PPARG: variants seen among roughly 807,000 people sequenced by gnomAD.
PPARG encodes the protein peroxisome proliferator-activated receptor gamma.
In PPARG, 17 loss-of-function variants were observed where a neutral mutation model predicts 39.2. That is an observed-to-expected ratio of 0.43 (90% CI 0.30 to 0.65). The LOEUF (loss-of-function observed/expected upper bound fraction) is 0.65. Ranked by LOEUF, PPARG falls within the 30% of genes least tolerant of loss-of-function variation. PPARG has a pLI of 0.13. For missense variants in PPARG, 406 were observed against 585.9 expected (o/e 0.69, Z 3.17); for synonymous variants, 223 against 215.7 (o/e 1.03, Z -0.30).
At chr3:12,372,085 A>G (rs747882073) in intron 2 of PPARG, 2 of 721,460 alleles carry the variant, frequency 2.8e-6, no homozygotes, top group Non-Finnish European at 5.2e-6. Flanking sequence ...CAACAAAACT[A>G]CAAAGGACCT....
In PPARG at chr3:12,386,860, C is replaced by T. The variant is rs528669724; in HGVS notation, c.390+5369C>T. 4.6e-5 allele frequency among the ~76,000 whole-genome samples: 7 copies of T among 152,072 alleles called. No individual in the cohort carries two copies. In the East Asian group the frequency reaches 1.4e-3, roughly 29 times the overall value. On this transcript the variant is annotated intron_variant, in intron 4 of 7. Coordinates refer to ENST00000651735, the MANE Select transcript of PPARG (RefSeq NM_138711.6). Reference sequence around the variant, plus strand: ...CATTAGGTATTTCTCCTAATGCTATCCCTCCCCCAACCCTCCACCCCCTGA... The same window carrying T: ...CATTAGGTATTTCTCCTAATGCTATTCCTCCCCCAACCCTCCACCCCCTGA...
chr3:12,298,532 A>G (rs1278952611), intron 1 of PPARG, among the ~76,000 whole-genome samples: 1 of 152,130 alleles, frequency 6.6e-6, no homozygotes, highest in African/African-American at 2.4e-5. Context: ...GTTACAGATT[A>G]CATTTTTCTT....
chr3:12,364,346 T>A (rs2048947930), intron 2 of PPARG, among the ~76,000 whole-genome samples: 1 of 152,182 alleles, frequency 6.6e-6, no homozygotes, highest in African/African-American at 2.4e-5. Context: ...CACTTACCAA[T>A]ATGCACTTAA....
chr3:12,361,266 C>A (rs1002317291), intron 2 of PPARG, among the ~76,000 whole-genome samples: 6 of 152,190 alleles, frequency 3.9e-5, no homozygotes, highest in Non-Finnish European at 8.8e-5. Context: ...GGTAAACGTT[C>A]TAAAGCATAC....
chr3:12,362,518 CAAAA>C (rs869210025), intron 2 of PPARG, among the ~76,000 whole-genome samples: 1 of 142,098 alleles, frequency 7.0e-6, no homozygotes, highest in Admixed American at 7.2e-5. Flanking sequence ...GACTTCGTCT[CAAAA>C]ATAAATAAAT....
At chr3:12,288,523 T>C (rs2046566701), upstream of PPARG, among the ~76,000 whole-genome samples, 1 of 151,790 alleles carries the variant, frequency 6.6e-6, no homozygotes. Context: ...GGGGGAACTT[T>C]GGAGCAGGGT....
intron 2 of PPARG, among the ~76,000 whole-genome samples, chr3:12,359,540 C>T (rs370842212): frequency 5.3e-5 from 8 of 152,010 alleles, no homozygotes; most frequent in African/African-American, 1.9e-4. Flanking sequence ...ACGTAGGCCT[C>T]AGAATTTGGG....
At chr3:12,431,227 C>G (rs1262940508) in intron 7 of PPARG, among the ~76,000 whole-genome samples, 6 of 152,058 alleles carry the variant, frequency 3.9e-5, no homozygotes, top group African/African-American at 1.4e-4. Context: ...AACTGAAACC[C>G]AAACTTTTTA....
At chr3:12,351,192 A>G (rs910814983) in intron 2 of PPARG, among the ~76,000 whole-genome samples, 1 of 152,234 alleles carries the variant, frequency 6.6e-6, no homozygotes, top group African/African-American at 2.4e-5. Flanking sequence ...TGAATTTTAC[A>G]ACAATAAAAA....
At chr3:12,417,291 C>A in intron 7 of PPARG, 137 bp downstream of exon 7, 1 of 906,836 alleles carries the variant, frequency 1.1e-6, no homozygotes, top group Non-Finnish European at 1.7e-6. Context: ...ATCATCACTA[C>A]ACGTGCAAAA....
chr3:12,338,548 T>A (rs1294064733), intron 2 of PPARG, among the ~76,000 whole-genome samples: 1 of 152,242 alleles, frequency 6.6e-6, no homozygotes, highest in Non-Finnish European at 1.5e-5. Context: ...TTTATAGCTC[T>A]TATATATTTA....
At chr3:12,356,950 G>A (rs1471819375) in intron 2 of PPARG, among the ~76,000 whole-genome samples, 1 of 152,088 alleles carries the variant, frequency 6.6e-6, no homozygotes, top group Non-Finnish European at 1.5e-5. Flanking sequence ...ACTCCGTGAA[G>A]CATTCTCTGA....
intron 6 of PPARG, among the ~76,000 whole-genome samples, chr3:12,411,553 G>C (rs2125271124): frequency 6.6e-6 from 1 of 152,266 alleles, no homozygotes; most frequent in Admixed American, 6.5e-5. Flanking sequence ...AGGAAAAAAA[G>C]AAGTGGGGAA....
intron 1 of PPARG, among the ~76,000 whole-genome samples, chr3:12,309,650 GC>G (rs1227574881): frequency 4.7e-4 from 71 of 152,254 alleles, no homozygotes; most frequent in African/African-American, 1.6e-3. Context: ...AAAACTAATA[GC>G]TTTTGGAGGA....
chr3:12,374,471 C>T (rs538162737), intron 2 of PPARG, among the ~76,000 whole-genome samples: 13 of 152,110 alleles, frequency 8.5e-5, no homozygotes, highest in East Asian at 7.8e-4. Context: ...TGGTGGCACA[C>T]GCCTGTAATC....
At chr3:12,406,827 T>A (rs2050691251) in intron 6 of PPARG, 1 of 152,244 alleles carries the variant, frequency 6.6e-6, no homozygotes, top group Non-Finnish European at 1.5e-5. Context: ...TACCTTTCTT[T>A]CCTTGTAGCA....
At chr3:12,335,402 A>G (rs1214326717) in intron 2 of PPARG, among the ~76,000 whole-genome samples, 1 of 152,222 alleles carries the variant, frequency 6.6e-6, no homozygotes, top group African/African-American at 2.4e-5. Flanking sequence ...TGAAATAAGC[A>G]GTTTTGACCA....
chr3:12,305,264 A>G (rs1481521097), intron 1 of PPARG, among the ~76,000 whole-genome samples: 1 of 152,180 alleles, frequency 6.6e-6, no homozygotes, highest in African/African-American at 2.4e-5. Flanking sequence ...ATTTTTATCT[A>G]CTAAACACAT....
chr3:12,299,723 A>T (rs915928236), intron 1 of PPARG, among the ~76,000 whole-genome samples: 9 of 152,160 alleles, frequency 5.9e-5, no homozygotes, highest in African/African-American at 7.2e-5. Context: ...CAATTAATTT[A>T]AAAAAATTAT....
Sources: allele counts gnomAD v4.1 joint callset (sites outside exome capture counted in the v4.1 genomes callset), GRCh38; gene constraint gnomAD v4.1.1; transcripts MANE v1.5; gene names NCBI Gene and HGNC (gene_info 2026-07-23, HGNC 2026-07-21).